Variants in NOX5 observed in about 807,000 individuals in gnomAD.
NOX5 encodes the protein NADPH oxidase, EF-hand calcium binding domain 5.
In NOX5, 76 loss-of-function variants were observed where a neutral mutation model predicts 85.7. The observed-to-expected ratio is 0.89, with a 90% CI of 0.74 to 1.07. NOX5 has a LOEUF of 1.07. Among genes scored for constraint, NOX5 ranks in the 50% least tolerant of loss-of-function variants. NOX5 has a pLI of 0.00. For synonymous variants in NOX5, 405 were observed against 401.4 expected (o/e 1.01, Z -0.11); for missense variants, 973 against 999.5 (o/e 0.97, Z 0.36).
At chr15:69,043,779 C>T (rs1243960609) in intron 10 of NOX5, among the ~76,000 whole-genome samples, 1 of 152,168 alleles carries the variant, frequency 6.6e-6, no homozygotes, top group Non-Finnish European at 1.5e-5. Flanking sequence ...TCAGTCACCT[C>T]TGCCACTATA....
At chr15:69,037,946 C>T (rs1313040532) in intron 8 of NOX5, 1 of 152,282 alleles carries the variant, frequency 6.6e-6, no homozygotes, top group Non-Finnish European at 1.5e-5. Context: ...TAAGCTGTGA[C>T]CATTAATATT....
rs2050556499 is a variant in NOX5 at position 69,038,885 on chromosome 15, C to CT, written c.1407dup (p.His470SerfsTer3). The CT allele has an allele frequency of 6.2e-7, 1 of 1,614,134 alleles. No individual in the cohort carries two copies. The highest frequency in any genetic ancestry group is 8.5e-7 in the Non-Finnish European group (1 of 1,180,018). ...ACTCATCTCCTCATCAAGCGGCCCC[C>CT]TTTTTTTCACTATAGACCTGGTGAC... On this transcript the variant is annotated frameshift_variant, in exon 9 of 16. Transcript: ENST00000388866. LOFTEE classifies it high-confidence loss of function.
Position 69,047,917 on chromosome 15 carries a change from T to TACC in NOX5, c.1899+10_1899+12dup, listed in dbSNP as rs2050696079. 1 of 1,613,198 alleles carries TACC rather than the reference T, an allele frequency of 6.2e-7. No individual in the cohort carries two copies. The highest frequency in any genetic ancestry group is 1.3e-5 in the African/African-American group (1 of 74,890). ...ACAACATGAAGCTCCATAAGGTGAG[T>TACC]ACCACCTCCTGCAGGCAGGCCTCCA... is the stretch of plus-strand genomic sequence containing the variant. On this transcript the variant is annotated splice_region_variant and intron_variant, in intron 13 of 15. Coordinates refer to ENST00000388866, the MANE Select transcript of NOX5 (RefSeq NM_024505.4).
intron 1 of NOX5, among the ~76,000 whole-genome samples, chr15:69,015,668 GT>G (rs949365502): frequency 5.3e-5 from 8 of 152,140 alleles, no homozygotes; most frequent in Admixed American, 5.2e-4. Context: ...AAACTCTCAT[GT>G]TTCTGGCAAG....
chr15:69,039,452 G>A (rs980232734), intron 9 of NOX5, among the ~76,000 whole-genome samples: 4 of 152,192 alleles, frequency 2.6e-5, no homozygotes, highest in African/African-American at 9.7e-5. Flanking sequence ...GAGCATGAAA[G>A]GCAGGTGATG....
intron 6 of NOX5, 112 bp downstream of exon 6, chr15:69,035,619 G>A (rs2050504992): frequency 1.3e-6 from 2 of 1,552,210 alleles, no homozygotes; most frequent in Non-Finnish European, 1.7e-6. Flanking sequence ...GAGAAGGGGT[G>A]CCCTGGATAA....
intron 14 of NOX5, among the ~76,000 whole-genome samples, chr15:69,049,345 C>T (rs1275765900): frequency 6.6e-6 from 1 of 152,024 alleles, no homozygotes; most frequent in East Asian, 1.9e-4. Context: ...TGCAGGCCAC[C>T]ACTTCCGCTA....
Position 69,016,211 on chromosome 15 carries a change from G to A in NOX5, c.50+1426G>A, listed in dbSNP as rs926651894. Among the ~76,000 whole-genome samples the A allele has an allele frequency of 4.6e-5, 7 of 152,224 alleles. No homozygotes were observed. In the South Asian group the frequency reaches 6.2e-4, roughly 14 times the overall value. ...GGCCTGGAGCCCCTGCCTTGGGAGC[G>A]TGCAGGAGCTGGCCTATCTCAGTGG... On this transcript the variant is annotated intron_variant, in intron 1 of 15. Coordinates refer to ENST00000388866, the MANE Select transcript of NOX5 (RefSeq NM_024505.4).
intron 10 of NOX5, among the ~76,000 whole-genome samples, chr15:69,045,576 T>TCTTTTTCTTTCTTTCTTCC (rs1567105231): frequency 3.9e-5 from 5 of 129,008 alleles, no homozygotes; most frequent in African/African-American, 1.5e-4. Context: ...TTCTTCCCTT[T>TCTTTTTCTTTCTTTCTTCC]CTTTCTTTTC....
At position 69,056,250 on chromosome 15, in the gene NOX5, T is replaced by C. The variant is rs148487398; in HGVS notation, c.2167-315T>C. 2.0e-5 allele frequency among the ~76,000 whole-genome samples: 3 copies of C among 152,186 alleles called. 1 individual carries two copies. In the East Asian group the frequency reaches 5.8e-4, roughly 29 times the overall value. On this transcript the variant is annotated intron_variant, in intron 15 of 15. Transcript: ENST00000388866. ...AGAGCACTGTATGCATCTCTCTGCG[T>C]GTCTGATTTAGTGCCTGTCTCCCAC...
At chr15:69,031,335 C>G in intron 3 of NOX5, 183 bp from the exon 4 acceptor site, 1 of 630,388 alleles carries the variant, frequency 1.6e-6, no homozygotes, top group Non-Finnish European at 2.7e-6. Flanking sequence ...ACCACTGAAG[C>G]CAAAGATTCT....
chr15:69,035,547 G>A, intron 6 of NOX5, 40 bp downstream of exon 6: 1 of 1,608,432 alleles, frequency 6.2e-7, no homozygotes, highest in Non-Finnish European at 8.5e-7. Flanking sequence ...GGAGAAGCTT[G>A]AGCAGCCTCA....
chr15:69,023,316 A>G (rs1383188041), intron 1 of NOX5: 1 of 258,832 alleles, frequency 3.9e-6, no homozygotes, highest in Non-Finnish European at 7.6e-6. Flanking sequence ...AGCTTTCAAG[A>G]TCACCTAATG....
chr15:69,048,520 G>A (rs1311354944), intron 13 of NOX5, among the ~76,000 whole-genome samples: 2 of 151,912 alleles, frequency 1.3e-5, no homozygotes, highest in Non-Finnish European at 2.9e-5. Context: ...GTGACAGAGT[G>A]AGACTCTGTC....
At position 69,059,687 on chromosome 15, in the gene NOX5, G is replaced by A. The variant is rs2050853338; in HGVS notation, c.*2991G>A. The A allele has an allele frequency of 6.6e-6, 1 of 152,198 alleles. No individual in the cohort carries two copies. Among genetic ancestry groups the A allele is most frequent in the African/African-American group, 2.4e-5 (1 of 41,426 alleles). The allele number at this position is 152,198 out of a possible 1,614,324, so 9.4% of individuals were successfully genotyped here. A position where few individuals can be genotyped will look rare whatever the true frequency, so the allele number is the denominator to read the frequency against. On this transcript the variant is annotated 3_prime_UTR_variant, in exon 16 of 16. Transcript: ENST00000388866. ...ACACATGTGAGTGTACAGCACGCAT[G>A]GTCTGACCATCTGGATGTTTCCCAG...
At chr15:69,053,601 A>C (rs2050775639) in intron 14 of NOX5, among the ~76,000 whole-genome samples, 1 of 152,178 alleles carries the variant, frequency 6.6e-6, no homozygotes, top group South Asian at 2.1e-4. Context: ...AAAATGCCAA[A>C]ATTAATATAT....
intron 1 of NOX5, among the ~76,000 whole-genome samples, chr15:69,017,654 C>G (rs1262752403): frequency 2.0e-5 from 3 of 152,152 alleles, no homozygotes; most frequent in Admixed American, 6.5e-5. Flanking sequence ...ACCCAACAGC[C>G]TTGGGTATAT....
Position 69,055,419 on chromosome 15 carries a change from C to T in NOX5, c.2085C>T (p.Asp695=). ...CCATTGGCCTGCAGATGGCCCTTGA[C>T]CTCCTGGCCAACAAGGAGAAGAAAG... is the stretch of plus-strand genomic sequence containing the variant. The part of the protein sequence containing the change: ...MKAIGLQMAL[D]LLANKEKKDS... Residue 695 remains aspartate (D), a synonymous_variant, in exon 15 of 16, where the codon GAC becomes GAT. Transcript: ENST00000388866. 1.2e-6 allele frequency: 2 copies of T among 1,614,208 alleles called. No individual in the cohort carries two copies. The highest frequency in any genetic ancestry group is 8.5e-7 in the Non-Finnish European group (1 of 1,180,042).
intron 1 of NOX5, chr15:69,022,608 G>T: frequency 5.6e-6 from 1 of 177,624 alleles, no homozygotes; most frequent in African/African-American, 2.4e-5. Context: ...ATGTCATGAT[G>T]AGTACCCCAA....
Sources: allele counts gnomAD v4.1 joint callset (sites outside exome capture counted in the v4.1 genomes callset), GRCh38; gene constraint gnomAD v4.1.1; transcripts MANE v1.5; gene names NCBI Gene and HGNC (gene_info 2026-07-23, HGNC 2026-07-21).